The following NXPE2 variants were observed in gnomAD, a reference collection of about 807,000 sequenced individuals.
NXPE2 encodes neurexophilin and PC-esterase domain family member 2.
In NXPE2, 34 loss-of-function variants were observed where a neutral mutation model predicts 34.4. The observed-to-expected ratio is 0.99, with a 90% confidence interval of 0.75 to 1.31. NXPE2 has a LOEUF of 1.31. NXPE2 is among the 40% of genes most tolerant of loss of function. NXPE2 has a pLI of 0.00. For synonymous variants in NXPE2, 235 were observed against 231.3 expected, an observed-to-expected ratio of 1.02 and a Z score of -0.15; for missense variants, 649 against 672.5, an observed-to-expected ratio of 0.97 and a Z score of 0.39.
the NXPE2 span, among the ~76,000 whole-genome samples, chr11:114,657,699 T>A: frequency 3.9e-5 from 6 of 152,258 alleles, no homozygotes; most frequent in South Asian, 4.2e-4. Flanking sequence ...AACACTGTTT[T>A]GAGAAATAGT....
chr11:114,470,582 CGTGTGTGTGT>C, the NXPE2 span, among the ~76,000 whole-genome samples: 948 of 144,928 alleles, frequency 6.5e-3, 11 homozygotes, highest in African/African-American at 0.02. Flanking sequence ...AAAGAATTGA[CGTGTGTGTGT>C]GTGTGTGTGT....
rs1951293896 is a variant in NXPE2 at position 114,698,175 on chromosome 11, T to C, written c.263T>C (p.Met88Thr). ...ACTGAACTTAGAATAAAGGACATTATGGAGAAACTAGACCAGCAGATCCCA... is the reference window on the plus strand; with the variant it reads ...ACTGAACTTAGAATAAAGGACATTACGGAGAAACTAGACCAGCAGATCCCA... ...KETELRIKDI[M>T]EKLDQQIPPR... The change falls in exon 3 of 6, where the codon ATG becomes ACG. Residue 88 changes from methionine to threonine, a missense_variant. Coordinates refer to ENST00000389586, the MANE Select transcript of NXPE2 (RefSeq NM_182495.6). 3 of 1,614,078 alleles carry C rather than the reference T, an allele frequency of 1.9e-6. No homozygotes were observed. Among genetic ancestry groups the C allele is most frequent in the African/African-American group, 2.7e-5 (2 of 74,942 alleles).
the NXPE2 span, among the ~76,000 whole-genome samples, chr11:114,666,459 T>C: frequency 6.6e-6 from 1 of 152,184 alleles, no homozygotes; most frequent in African/African-American, 2.4e-5. Flanking sequence ...ATAAAACGTG[T>C]ATCCTCACAT....
chr11:114,668,478 G>A, the NXPE2 span, among the ~76,000 whole-genome samples: 1 of 151,898 alleles, frequency 6.6e-6, no homozygotes, highest in Non-Finnish European at 1.5e-5. Context: ...TTTGTGACAA[G>A]CACTATTTAT....
the NXPE2 span, among the ~76,000 whole-genome samples, chr11:114,652,300 C>G: frequency 3.7e-4 from 57 of 152,342 alleles, no homozygotes; most frequent in African/African-American, 5.3e-4. Flanking sequence ...TTAAGGCATC[C>G]TGTTCCTTCC....
At chr11:114,658,641 G>T in the NXPE2 span, among the ~76,000 whole-genome samples, 1 of 152,132 alleles carries the variant, frequency 6.6e-6, no homozygotes, top group African/African-American at 2.4e-5. Context: ...CCCTGTGGTT[G>T]GGAAAATGGA....
chr11:114,622,141 C>T, the NXPE2 span, among the ~76,000 whole-genome samples: 1 of 152,058 alleles, frequency 6.6e-6, no homozygotes, highest in Non-Finnish European at 1.5e-5. Flanking sequence ...AATATTGCCT[C>T]ATGGGTAGCC....
chr11:114,717,380 C>T, the NXPE2 span, among the ~76,000 whole-genome samples: 1 of 152,122 alleles, frequency 6.6e-6, no homozygotes, highest in Non-Finnish European at 1.5e-5. Context: ...AAAGTGATGT[C>T]CCTGAACGTG....
At chr11:114,625,808 G>C in the NXPE2 span, among the ~76,000 whole-genome samples, 3 of 152,138 alleles carry the variant, frequency 2.0e-5, no homozygotes, top group Admixed American at 6.5e-5. Flanking sequence ...GTGCAGGTCA[G>C]TGGGTGAGCA....
At chr11:114,556,691 T>C in the NXPE2 span, among the ~76,000 whole-genome samples, 1 of 152,088 alleles carries the variant, frequency 6.6e-6, no homozygotes, top group East Asian at 1.9e-4. Flanking sequence ...TATCATTTTT[T>C]AAAATGTATT....
the NXPE2 span, among the ~76,000 whole-genome samples, chr11:114,659,617 T>C: frequency 6.6e-6 from 1 of 152,078 alleles, no homozygotes; most frequent in Non-Finnish European, 1.5e-5. Context: ...TAGAAAATAT[T>C]TTTAATGAAA....
chr11:114,656,744 T>A, the NXPE2 span, among the ~76,000 whole-genome samples: 1 of 152,228 alleles, frequency 6.6e-6, no homozygotes, highest in East Asian at 1.9e-4. Flanking sequence ...ATATTTGTAA[T>A]ATACTTAATA....
the NXPE2 span, among the ~76,000 whole-genome samples, chr11:114,536,796 T>A: frequency 1.3e-5 from 2 of 152,214 alleles, no homozygotes; most frequent in African/African-American, 4.8e-5. Context: ...ATTAATAGCT[T>A]ACCAACCAAA....
At chr11:114,522,778 G>T in the NXPE2 span, 1 of 815,820 alleles carries the variant, frequency 1.2e-6, no homozygotes, top group Non-Finnish European at 2.0e-6. Flanking sequence ...AGAGCCAAAT[G>T]AAGTAAAAAA....
the NXPE2 span, among the ~76,000 whole-genome samples, chr11:114,802,471 C>T: frequency 6.6e-6 from 1 of 152,194 alleles, no homozygotes; most frequent in Non-Finnish European, 1.5e-5. Context: ...ATCCTTGGAA[C>T]CAGTCACAGG....
chr11:114,785,524 TAGC>T, the NXPE2 span, among the ~76,000 whole-genome samples: 2 of 152,202 alleles, frequency 1.3e-5, no homozygotes, highest in Non-Finnish European at 2.9e-5. Context: ...TTAATTCTAT[TAGC>T]AGTTTCCTCC....
the NXPE2 span, among the ~76,000 whole-genome samples, chr11:114,560,263 CTTTTTTTTTCTTTT>C: frequency 7.9e-6 from 1 of 127,368 alleles, no homozygotes; most frequent in East Asian, 2.8e-4. Context: ...ATTGAGAATT[CTTTTTTTTTCTTTT>C]TTTTTTTTTT....
At chr11:114,555,447 G>T in the NXPE2 span, among the ~76,000 whole-genome samples, 6 of 152,204 alleles carry the variant, frequency 3.9e-5, no homozygotes, top group Admixed American at 2.6e-4. Flanking sequence ...GGATGGTCTC[G>T]ATTTTCTGAC....
chr11:114,629,575 G>T, the NXPE2 span, among the ~76,000 whole-genome samples: 8 of 151,846 alleles, frequency 5.3e-5, no homozygotes, highest in African/African-American at 1.7e-4. Flanking sequence ...TATTGAATGG[G>T]CAAAAACTGG....
Sources: gnomAD v4.1 joint callset for allele counts (sites outside exome capture counted in the v4.1 genomes callset) on GRCh38, gnomAD v4.1.1 for gene constraint, MANE v1.5 for transcripts, NCBI Gene and HGNC (gene_info 2026-07-23, HGNC 2026-07-21) for gene names.